ZRANB3: variants seen among roughly 807,000 people sequenced by gnomAD.
ZRANB3 encodes the protein zinc finger RANBP2-type containing 3.
Under a neutral mutation model 133.8 loss-of-function variants are expected in ZRANB3, and 125 were observed. The observed-to-expected ratio is 0.93, with a 90% CI of 0.81 to 1.08. ZRANB3 has a LOEUF of 1.08. Among genes scored for constraint, ZRANB3 ranks in the 50% least tolerant of loss-of-function variants. ZRANB3 has a pLI of 0.00. For missense variants in ZRANB3, 1,229 were observed against 1,275.5 expected (o/e 0.96, Z 0.56); for synonymous variants, 387 against 432.7 (o/e 0.89, Z 1.31).
intron 2 of ZRANB3, among the ~76,000 whole-genome samples, chr2:135,417,026 A>T (rs1022292893): frequency 1.3e-5 from 2 of 152,194 alleles, no homozygotes; most frequent in South Asian, 2.1e-4. Flanking sequence ...AACCTAGGCA[A>T]TACCATTCAG....
intron 2 of ZRANB3, among the ~76,000 whole-genome samples, chr2:135,409,058 A>G (rs1218828305): frequency 6.6e-6 from 1 of 152,192 alleles, no homozygotes; most frequent in African/African-American, 2.4e-5. Context: ...AGGCAGTACA[A>G]TAAGTATGTT....
intron 2 of ZRANB3, among the ~76,000 whole-genome samples, chr2:135,459,562 CTT>C (rs1690675767): frequency 6.6e-6 from 1 of 152,104 alleles, no homozygotes; most frequent in African/African-American, 2.4e-5. Context: ...TTATCACTGT[CTT>C]TGATTTTTTT....
intron 2 of ZRANB3, among the ~76,000 whole-genome samples, chr2:135,482,455 T>C (rs1385326897): frequency 6.0e-5 from 9 of 149,220 alleles, no homozygotes; most frequent in South Asian, 4.3e-4. Context: ...GTGATTTTTG[T>C]ACATTGATTT....
chr2:135,426,374 CACA>C (rs953528140), intron 2 of ZRANB3, among the ~76,000 whole-genome samples: 11 of 151,960 alleles, frequency 7.2e-5, no homozygotes, highest in East Asian at 3.9e-4. Context: ...CTGGCAGAGC[CACA>C]ACAACAACAA....
chr2:135,302,528 GTTT>G (rs34855515), intron 8 of ZRANB3, among the ~76,000 whole-genome samples: 1 of 141,266 alleles, frequency 7.1e-6, no homozygotes, highest in African/African-American at 2.6e-5. Flanking sequence ...ACCAGGGTTT[GTTT>G]TTTTTTTTTT....
chr2:135,423,132 G>A (rs1688931299), intron 2 of ZRANB3, among the ~76,000 whole-genome samples: 1 of 152,162 alleles, frequency 6.6e-6, no homozygotes, highest in South Asian at 2.1e-4. Flanking sequence ...GTATTTTTCT[G>A]TGTTTAACTA....
chr2:135,429,364 C>T (rs1574090653), intron 2 of ZRANB3, among the ~76,000 whole-genome samples: 1 of 152,164 alleles, frequency 6.6e-6, no homozygotes, highest in East Asian at 1.9e-4. Flanking sequence ...GAAGAAACAA[C>T]AGACACTGGG....
intron 2 of ZRANB3, among the ~76,000 whole-genome samples, chr2:135,461,447 T>G (rs1190329406): frequency 2.0e-5 from 3 of 152,154 alleles, no homozygotes; most frequent in Non-Finnish European, 4.4e-5. Flanking sequence ...GATGCATGCC[T>G]GTAATCCTAG....
At chr2:135,529,451 G>A (rs1412422039) in intron 1 of ZRANB3, among the ~76,000 whole-genome samples, 2 of 151,686 alleles carry the variant, frequency 1.3e-5, no homozygotes, top group African/African-American at 4.8e-5. Context: ...TTTTAGTGAT[G>A]CCTTTATTCA....
chr2:135,382,319 G>A (rs542399100), intron 3 of ZRANB3, among the ~76,000 whole-genome samples: 13 of 152,284 alleles, frequency 8.5e-5, no homozygotes, highest in African/African-American at 1.2e-4. Flanking sequence ...AACGAACAAC[G>A]CCTCCAAGAA....
chr2:135,404,132 C>T (rs1687885591), intron 2 of ZRANB3, among the ~76,000 whole-genome samples: 5 of 152,136 alleles, frequency 3.3e-5, no homozygotes, highest in Admixed American at 3.3e-4. Flanking sequence ...GAGAAGAAGG[C>T]TTCAGATGAT....
At chr2:135,263,020 T>C (rs900295421) in intron 12 of ZRANB3, among the ~76,000 whole-genome samples, 3 of 152,084 alleles carry the variant, frequency 2.0e-5, no homozygotes, top group East Asian at 1.9e-4. Flanking sequence ...AATATTAATA[T>C]TGTACTTCTG....
At chr2:135,384,532 C>T (rs1558959633) in intron 3 of ZRANB3, among the ~76,000 whole-genome samples, 1 of 152,146 alleles carries the variant, frequency 6.6e-6, no homozygotes, top group Non-Finnish European at 1.5e-5. Context: ...GTGGCAGAGA[C>T]ACAACAAGAA....
chr2:135,493,134 T>G (rs867378321), intron 2 of ZRANB3, among the ~76,000 whole-genome samples: 5 of 45,350 alleles, frequency 1.1e-4, no homozygotes, highest in East Asian at 9.7e-4. Context: ...TATATATATA[T>G]ATATATATAT....
At chr2:135,287,617 T>C (rs1681445486) in intron 8 of ZRANB3, among the ~76,000 whole-genome samples, 1 of 151,808 alleles carries the variant, frequency 6.6e-6, no homozygotes, top group Non-Finnish European at 1.5e-5. Flanking sequence ...AGCAGTGTTT[T>C]GTAGTTTTCC....
chr2:135,508,232 G>T lies in ZRANB3; in HGVS notation c.-7-3736C>A, dbSNP rs1161148027. On this transcript the variant is annotated intron_variant, in intron 1 of 20. Transcript: ENST00000264159. ...GGCTCACTGCAAGCTCCGCCTCCTG[G>T]GTTCACGCCATTCTCCTGCCTCAGC... Among the ~76,000 whole-genome samples, 6 of 152,228 alleles carry T rather than the reference G, an allele frequency of 3.9e-5. No homozygotes were observed. The East Asian group carries it at 9.7e-4, about 25-fold the overall frequency.
chr2:135,380,161 G>C (rs1180745487), intron 3 of ZRANB3, among the ~76,000 whole-genome samples: 1 of 152,100 alleles, frequency 6.6e-6, no homozygotes. Flanking sequence ...GATTCACAAA[G>C]CAAGTTCTCA....
intron 4 of ZRANB3, among the ~76,000 whole-genome samples, chr2:135,352,523 A>G (rs1685256462): frequency 6.6e-6 from 1 of 152,032 alleles, no homozygotes; most frequent in South Asian, 2.1e-4. Flanking sequence ...TTAACCATGT[A>G]AATAGAGTCC....
At chr2:135,202,376 C>T (rs900122859) in intron 20 of ZRANB3, 1 of 152,350 alleles carries the variant, frequency 6.6e-6, no homozygotes, top group African/African-American at 2.4e-5. Flanking sequence ...ACTAACTACC[C>T]AAAGATGGGG....
Sources: gnomAD v4.1 joint callset for allele counts (sites outside exome capture counted in the v4.1 genomes callset) on GRCh38, gnomAD v4.1.1 for gene constraint, MANE v1.5 for transcripts, NCBI Gene and HGNC (gene_info 2026-07-23, HGNC 2026-07-21) for gene names.